Variants in TMEM50B observed in about 807,000 individuals in gnomAD.
TMEM50B encodes the protein transmembrane protein 50B.
Under a neutral mutation model 23.4 loss-of-function variants are expected in TMEM50B, and 14 were observed. That is an observed-to-expected ratio of 0.60 (90% CI 0.39 to 0.93). The LOEUF is 0.93. Among genes scored for constraint, TMEM50B ranks in the 40% least tolerant of loss-of-function variants. The pLI, the probability that TMEM50B is intolerant of heterozygous loss-of-function variation, is 0.00. For synonymous variants in TMEM50B, 64 were observed against 62.3 expected (o/e 1.03, Z -0.13); for missense variants, 159 against 193.0 (o/e 0.82, Z 1.04).
Position 33,450,668 on chromosome 21 carries a change from TA to T in TMEM50B, c.*149del. 1.7e-6 allele frequency: 1 copy of T among 598,662 alleles called. No homozygotes were observed. Among genetic ancestry groups the T allele is most frequent in the South Asian group, 2.8e-5 (1 of 35,160 alleles). 37.1% of individuals were successfully genotyped at this position (598,662 alleles called of 1,614,324 possible). On this transcript the variant is annotated 3_prime_UTR_variant, in exon 7 of 7. Coordinates refer to ENST00000542230, the MANE Select transcript of TMEM50B (RefSeq NM_006134.7). ...TGCAATGAAAAATAAAGAAATTTCA[TA>T]AAACTATTTCAAAACTCAGAACATA...
In TMEM50B at chr21:33,449,694, C is replaced by A. The variant is rs1485364866; in HGVS notation, c.*1124G>T. 1.3e-5 allele frequency: 2 copies of A among 152,280 alleles called. No individual in the cohort carries two copies. Among genetic ancestry groups the A allele is most frequent in the Non-Finnish European group, 2.9e-5 (2 of 68,028 alleles). 9.4% of individuals were successfully genotyped at this position (152,280 alleles called of 1,614,324 possible). A position where few individuals can be genotyped will look rare whatever the true frequency, so the allele number is the denominator to read the frequency against. ...CATAATTTTTCACTAGGTGATAATT[C>A]CCTTTGGGAAGAAGTGCTTTATCTT... On this transcript the variant is annotated 3_prime_UTR_variant, in exon 7 of 7. Coordinates refer to ENST00000542230, the MANE Select transcript of TMEM50B (RefSeq NM_006134.7).
chr21:33,455,737 T>C lies in TMEM50B; in HGVS notation c.421A>G (p.Ile141Val), dbSNP rs200519941. Residue 141 changes from isoleucine to valine, a missense_variant, in exon 6 of 7, where the codon ATA (isoleucine) becomes GTA (valine). Ile to Val is a conservative substitution (Grantham distance 29). Coordinates refer to ENST00000542230, the MANE Select transcript of TMEM50B (RefSeq NM_006134.7). ...AATAAGGCAACTTACCTAAAAAATA[T>C]AAGTGCATTTTGAAAAAACACAGCT... ...GLAVFFQNAL[I>V]FFSTLIYKFG... is the part of the protein sequence containing the mutation. The C allele has an allele frequency of 8.7e-6, 14 of 1,613,564 alleles. No homozygotes were observed. The highest frequency in any genetic ancestry group is 5.0e-5 in the Admixed American group (3 of 59,946).
Position 33,465,321 on chromosome 21 carries a change from A to G in TMEM50B, c.280+21T>C, listed in dbSNP as rs751977234. On this transcript the variant is annotated intron_variant, in intron 4 of 6. Coordinates refer to ENST00000542230, the MANE Select transcript of TMEM50B (RefSeq NM_006134.7). Reference sequence around the variant, plus strand: ...AATTTCTGTTTTGTCAACACCCATTAACAGCTCAAAGTATCTTTACCTGTT... The same window carrying G: ...AATTTCTGTTTTGTCAACACCCATTGACAGCTCAAAGTATCTTTACCTGTT... The G allele has an allele frequency of 1.9e-6, 3 of 1,605,560 alleles. No homozygotes were observed. In the East Asian group the frequency reaches 6.7e-5, roughly 36 times the overall value.
chr21:33,462,247 TAA>T (rs2084223549), intron 4 of TMEM50B, among the ~76,000 whole-genome samples: 1 of 152,166 alleles, frequency 6.6e-6, no homozygotes, highest in Admixed American at 6.6e-5. Flanking sequence ...TACAAAAGCT[TAA>T]GAGTAGCAAT....
intron 8 of TMEM50B, among the ~76,000 whole-genome samples, chr21:33,433,694 T>C (rs2083913462): frequency 6.6e-6 from 1 of 152,210 alleles, no homozygotes; most frequent in South Asian, 2.1e-4. Context: ...GTGGTCATGA[T>C]TGCACAATGT....
chr21:33,471,087 G>A (rs1311225095), intron 1 of TMEM50B, among the ~76,000 whole-genome samples: 1 of 152,014 alleles, frequency 6.6e-6, no homozygotes, highest in Admixed American at 6.6e-5. Context: ...AAATTGAAGG[G>A]GGACATCTCG....
At position 33,463,395 on chromosome 21, in the gene TMEM50B, A is replaced by G. The variant is rs187209006; in HGVS notation, c.280+1947T>C. On this transcript the variant is annotated intron_variant, in intron 4 of 6. Transcript: ENST00000542230. ...GGTTTAAAAGGCTATGATACTTACT[A>G]TATGATCCCATTTATATGAAATCAT... Among the ~76,000 whole-genome samples, 11 of 152,364 alleles carry G rather than the reference A, an allele frequency of 7.2e-5. No individual in the cohort carries two copies. The South Asian group carries it at 1.4e-3, about 20-fold the overall frequency.
downstream of TMEM50B, among the ~76,000 whole-genome samples, chr21:33,445,839 G>A (rs147975355): frequency 1.4e-3 from 210 of 152,192 alleles, no homozygotes; most frequent in Admixed American, 2.2e-3. Flanking sequence ...ATTATTTCCA[G>A]GAACTTTGTT....
intron 6 of TMEM50B, among the ~76,000 whole-genome samples, chr21:33,454,804 C>CTCTAAACTTTATTT (rs2084154390): frequency 6.6e-6 from 1 of 152,018 alleles, no homozygotes; most frequent in Non-Finnish European, 1.5e-5. Flanking sequence ...CTAAAGCAAG[C>CTCTAAACTTTATTT]CCTAAACTTT....
intron 8 of TMEM50B, among the ~76,000 whole-genome samples, chr21:33,434,643 T>G (rs2083925856): frequency 6.6e-6 from 1 of 152,196 alleles, no homozygotes; most frequent in Non-Finnish European, 1.5e-5. Context: ...GAACAGAGGT[T>G]AGATAAGGTC....
chr21:33,460,342 G>T lies in TMEM50B; in HGVS notation c.373+71C>A, dbSNP rs770166936. 17 of 922,724 alleles carry T rather than the reference G, an allele frequency of 1.8e-5. No individual in the cohort carries two copies. In the Admixed American group the frequency reaches 3.0e-4, roughly 17 times the overall value. The allele number at this position is 922,724 out of a possible 1,614,324, so 57.2% of individuals were successfully genotyped here. A position where few individuals can be genotyped will look rare whatever the true frequency, so the allele number is the denominator to read the frequency against. The stretch of plus-strand genomic sequence containing the variant: ...AACAATTATACTAAGTTGTACTCAA[G>T]GTAGAGTAAGCCAAATATAAAAGAC... On this transcript the variant is annotated intron_variant, in intron 5 of 6. Coordinates refer to ENST00000542230, the MANE Select transcript of TMEM50B (RefSeq NM_006134.7).
downstream of TMEM50B, among the ~76,000 whole-genome samples, chr21:33,445,094 A>C (rs2084041267): frequency 6.6e-6 from 1 of 151,718 alleles, no homozygotes; most frequent in Non-Finnish European, 1.5e-5. Flanking sequence ...AAAAAAAAAA[A>C]AAAAAAACCA....
chr21:33,456,393 T>C (rs889115177), intron 5 of TMEM50B, among the ~76,000 whole-genome samples: 2 of 152,192 alleles, frequency 1.3e-5, no homozygotes, highest in African/African-American at 4.8e-5. Context: ...CATGCAAATA[T>C]GTCAGATATA....
At chr21:33,445,535 T>C (rs1392517893), downstream of TMEM50B, among the ~76,000 whole-genome samples, 1 of 152,226 alleles carries the variant, frequency 6.6e-6, no homozygotes, top group Non-Finnish European at 1.5e-5. Context: ...GCACGGCGCC[T>C]GTAATTCCCT....
intron 1 of TMEM50B, among the ~76,000 whole-genome samples, chr21:33,478,609 T>C (rs1179295374): frequency 1.3e-5 from 2 of 152,068 alleles, no homozygotes; most frequent in Non-Finnish European, 2.9e-5. Flanking sequence ...ATTGGGGTGG[T>C]GAGTGGGAAG....
intron 4 of TMEM50B, among the ~76,000 whole-genome samples, chr21:33,463,804 G>A (rs1051462529): frequency 6.6e-6 from 1 of 152,114 alleles, no homozygotes; most frequent in South Asian, 2.1e-4. Flanking sequence ...TATAATCACA[G>A]CTACTTGAGA....
rs1319867816 is a variant in TMEM50B, at chr21:33,468,829, A to T, written c.57T>A (p.Ser19Arg). ...CAGATGCCACAGCATTTCTTCTCTC[A>T]CTCCAGTCAATACATTCACATTCTG... ...RWPECECIDWSERRNAVASVV... is the reference protein window; with the variant it reads ...RWPECECIDWRERRNAVASVV... The change falls in exon 2 of 7, where the codon AGT becomes AGA. Residue 19 changes from serine (S) to arginine (R), a missense_variant. Transcript: ENST00000542230. The T allele has an allele frequency of 1.2e-6, 2 of 1,613,534 alleles. No individual in the cohort carries two copies. The highest frequency in any genetic ancestry group is 8.5e-7 in the Non-Finnish European group (1 of 1,179,948).
intron 5 of TMEM50B, 45 bp downstream of exon 5, chr21:33,460,368 A>C (rs759520226): frequency 8.1e-7 from 1 of 1,230,892 alleles, no homozygotes; most frequent in Non-Finnish European, 1.2e-6. Flanking sequence ...TATAAAAGAC[A>C]TATCTGAATC....
chr21:33,479,425 T>TCGGGAGGGCGTCGCGGCCG (rs1174089357), intron 1 of TMEM50B: 3 of 152,414 alleles, frequency 2.0e-5, no homozygotes, highest in East Asian at 1.9e-4. Flanking sequence ...CGCTCCGGCC[T>TCGGGAGGGCGTCGCGGCCG]CGGGAGGGCG....
Sources: gnomAD v4.1 joint callset for allele counts (sites outside exome capture counted in the v4.1 genomes callset) on GRCh38, gnomAD v4.1.1 for gene constraint, MANE v1.5 for transcripts, NCBI Gene and HGNC (gene_info 2026-07-23, HGNC 2026-07-21) for gene names.